Variants in CDH4 observed in about 807,000 individuals in gnomAD.
CDH4 encodes cadherin 4.
CDH4 carries 33 observed loss-of-function variants against 86.0 expected under a neutral mutation model. The ratio of observed to expected loss-of-function variants is 0.38; its 90% CI spans 0.29 to 0.51. The LOEUF is 0.51. Ranked by LOEUF, CDH4 falls within the 20% of genes least tolerant of loss-of-function variation. The pLI is 0.86. For synonymous variants in CDH4, 555 were observed against 549.4 expected (o/e 1.01, Z -0.14); for missense variants, 1,114 against 1,307.4 (o/e 0.85, Z 2.28).
At chr20:61,274,565 CGTGCACAGCTTGGGGGAGTACT>C (rs1733676411) in intron 2 of CDH4, among the ~76,000 whole-genome samples, 4 of 136,688 alleles carry the variant, frequency 2.9e-5, no homozygotes, top group Admixed American at 1.6e-4. Context: ...GGGGGAGTAC[CGTGCACAGCTTGGGGGAGTACT>C]GTGTGCAGCT....
At chr20:61,921,414 C>G (rs1221741849) in intron 9 of CDH4, among the ~76,000 whole-genome samples, 1 of 152,264 alleles carries the variant, frequency 6.6e-6, no homozygotes, top group Non-Finnish European at 1.5e-5. Context: ...TACCAGACCT[C>G]ATGATCCTCC....
chr20:61,436,415 T>C (rs2085282610), intron 2 of CDH4: 1 of 152,196 alleles, frequency 6.6e-6, no homozygotes, highest in African/African-American at 2.4e-5. Context: ...GGCTACAAAT[T>C]CTGGAGTTCC....
In CDH4 at chr20:61,923,654, G is replaced by C; in HGVS notation, c.1578G>C (p.Leu526=). ...LEEGVPPGTV[L]TTFSAVDPDR... ...AGGGCGTGCCCCCCGGCACCGTGCT[G>C]ACCACGTTTTCAGCTGTGGACCCTG... is the stretch of plus-strand genomic sequence containing the variant. The change falls in exon 10 of 16, where the codon CTG becomes CTC. Residue 526 remains leucine, a synonymous_variant. Transcript: ENST00000614565. 6.2e-7 allele frequency: 1 copy of C among 1,614,066 alleles called. No individual in the cohort carries two copies. Among genetic ancestry groups the C allele is most frequent in the Non-Finnish European group, 8.5e-7 (1 of 1,180,046 alleles).
At chr20:61,858,255 G>A (rs964275758) in intron 6 of CDH4, among the ~76,000 whole-genome samples, 15 of 149,102 alleles carry the variant, frequency 1.0e-4, no homozygotes, top group East Asian at 9.9e-4. Flanking sequence ...GTGTGTCTGC[G>A]TCTGTGTGTC....
At chr20:61,590,879 G>GC (rs949546134) in intron 2 of CDH4, among the ~76,000 whole-genome samples, 2 of 135,970 alleles carry the variant, frequency 1.5e-5, no homozygotes, top group South Asian at 2.1e-4. Context: ...AAATCTATGG[G>GC]GGGGGGGGTC....
chr20:61,418,304 G>T (rs571418408), intron 2 of CDH4, among the ~76,000 whole-genome samples: 1 of 150,992 alleles, frequency 6.6e-6, no homozygotes, highest in African/African-American at 2.4e-5. Flanking sequence ...TCCGCCTCCC[G>T]GGTTCACACC....
intron 2 of CDH4, among the ~76,000 whole-genome samples, chr20:61,329,855 T>TCCC (rs58154497): frequency 7.1e-5 from 7 of 98,960 alleles, no homozygotes; most frequent in Admixed American, 1.1e-4. Context: ...CCCCACCCCA[T>TCCC]CCCCCGACAG....
chr20:61,511,934 G>C (rs1408724004), intron 2 of CDH4, among the ~76,000 whole-genome samples: 1 of 152,178 alleles, frequency 6.6e-6, no homozygotes, highest in Non-Finnish European at 1.5e-5. Context: ...GATCCCTATA[G>C]AGAAAGAATC....
At chr20:61,743,484 C>T (rs992621489) in intron 2 of CDH4, 79 bp from the exon 3 acceptor site, 55 of 1,057,534 alleles carry the variant, frequency 5.2e-5, no homozygotes, top group East Asian at 4.4e-4. Flanking sequence ...GCCTGTAGGG[C>T]GTCCTGCGTG....
intron 3 of CDH4, among the ~76,000 whole-genome samples, chr20:61,766,405 C>G (rs1600965156): frequency 6.6e-6 from 1 of 152,108 alleles, no homozygotes; most frequent in South Asian, 2.1e-4. Context: ...GAGTCTTGCC[C>G]TCTCCTTCTC....
chr20:61,895,020 C>A lies in CDH4; in HGVS notation c.1161C>A (p.Asp387Glu). The A allele has an allele frequency of 6.2e-7, 1 of 1,613,826 alleles. No homozygotes were observed. Among genetic ancestry groups the A allele is most frequent in the South Asian group, 1.1e-5 (1 of 91,078 alleles). ...TAIITVTDVN[D>E]NPPEFTASTF... Reference sequence around the variant, plus strand: ...TCATCACGGTGACAGATGTGAATGACAACCCGCCAGAATTTACCGCCAGCA... The same window carrying A: ...TCATCACGGTGACAGATGTGAATGAAAACCCGCCAGAATTTACCGCCAGCA... The change falls in exon 8 of 16, where the codon GAC becomes GAA. Residue 387 changes from aspartate (D) to glutamate (E), a missense_variant. Coordinates refer to ENST00000614565, the MANE Select transcript of CDH4 (RefSeq NM_001794.5).
intron 6 of CDH4, among the ~76,000 whole-genome samples, chr20:61,861,004 C>A (rs1218400733): frequency 6.6e-6 from 1 of 152,322 alleles, no homozygotes; most frequent in East Asian, 1.9e-4. Flanking sequence ...TGTTCTATTC[C>A]TTTGAACTGG....
intron 2 of CDH4, among the ~76,000 whole-genome samples, chr20:61,353,173 G>C (rs1386536253): frequency 6.6e-6 from 1 of 152,150 alleles, no homozygotes; most frequent in Admixed American, 6.5e-5. Context: ...TTCCACCTGT[G>C]GAAAGCATAT....
intron 2 of CDH4, among the ~76,000 whole-genome samples, chr20:61,322,109 T>G (rs2084511956): frequency 6.6e-6 from 1 of 152,144 alleles, no homozygotes; most frequent in South Asian, 2.1e-4. Flanking sequence ...CCAGCAGTTC[T>G]TCCGGGTCCT....
intron 2 of CDH4, among the ~76,000 whole-genome samples, chr20:61,367,591 A>G (rs986671701): frequency 2.6e-5 from 4 of 151,752 alleles, no homozygotes; most frequent in Non-Finnish European, 4.4e-5. Flanking sequence ...AGAAACAATG[A>G]CAGTTATAGA....
At chr20:61,464,038 T>C (rs2085459714) in intron 2 of CDH4, among the ~76,000 whole-genome samples, 1 of 152,228 alleles carries the variant, frequency 6.6e-6, no homozygotes, top group African/African-American at 2.4e-5. Flanking sequence ...GCAGTTCAGG[T>C]GCATAATAAT....
intron 2 of CDH4, among the ~76,000 whole-genome samples, chr20:61,267,786 G>A (rs1327671613): frequency 6.6e-6 from 1 of 152,152 alleles, no homozygotes; most frequent in South Asian, 2.1e-4. Context: ...GAGAGGAGCT[G>A]GGCACTCTCT....
chr20:61,936,060 G>A (rs769261329), intron 15 of CDH4, among the ~76,000 whole-genome samples: 7 of 151,960 alleles, frequency 4.6e-5, no homozygotes, highest in East Asian at 1.9e-4. Flanking sequence ...AGGAGAGGAC[G>A]GGGCTCCAGC....
intron 4 of CDH4, among the ~76,000 whole-genome samples, chr20:61,808,341 AAAATAAATAAAT>A (rs534974250): frequency 6.6e-5 from 10 of 151,860 alleles, no homozygotes; most frequent in African/African-American, 2.2e-4. Flanking sequence ...ACCAGCTGCA[AAAATAAATAAAT>A]AAATAAATAA....
Sources: allele counts gnomAD v4.1 joint callset (sites outside exome capture counted in the v4.1 genomes callset), GRCh38; gene constraint gnomAD v4.1.1; transcripts MANE v1.5; gene names NCBI Gene and HGNC (gene_info 2026-07-23, HGNC 2026-07-21).